Variants in FRY observed in about 807,000 individuals in gnomAD.
The protein encoded by FRY is protein furry homolog.
FRY carries 128 observed loss-of-function variants against 348.4 expected under a neutral mutation model. The ratio of observed to expected loss-of-function variants is 0.37; its 90% confidence interval spans 0.32 to 0.43. FRY has a LOEUF of 0.43. Ranked by LOEUF, FRY falls within the 20% of genes least tolerant of loss-of-function variation. The pLI is 1.00. For synonymous variants in FRY, 1,370 were observed against 1,374.7 expected, an observed-to-expected ratio of 1.00 and a Z score of 0.08; for missense variants, 2,736 against 3,695.2, an observed-to-expected ratio of 0.74 and a Z score of 6.73.
intron 19 of FRY, 49 bp downstream of exon 19, chr13:32,173,598 T>C (rs764861387): frequency 8.9e-6 from 12 of 1,345,248 alleles, no homozygotes; most frequent in Non-Finnish European, 1.1e-5. Flanking sequence ...TCAACTCTTC[T>C]GAAATTTAGA....
chr13:32,192,226 A>G (rs1161130733), intron 28 of FRY, among the ~76,000 whole-genome samples: 8 of 152,190 alleles, frequency 5.3e-5, no homozygotes, highest in Non-Finnish European at 1.2e-4. Context: ...CTAAAGTACA[A>G]TAAAAGCTTG....
Position 32,212,376 on chromosome 13 carries a change from A to G in FRY, c.4676A>G (p.Asp1559Gly). 6.3e-7 allele frequency: 1 copy of G among 1,590,488 alleles called. No individual in the cohort carries two copies. The highest frequency in any genetic ancestry group is 8.6e-7 in the Non-Finnish European group (1 of 1,160,898). ...GAGAACAAGATATTGAAAGAATCTG[A>G]TGAAAGGTTGGTACACAAATTTGAC... ...AEENKILKES[D>G]ERFSNVIRAH... Residue 1559 changes from aspartate to glycine, a missense_variant, in exon 35 of 61, where the codon GAT (aspartate) becomes GGT (glycine). Asp to Gly is a moderately conservative substitution (Grantham distance 94). Coordinates refer to ENST00000542859, the MANE Select transcript of FRY (RefSeq NM_023037.3).
intron 2 of FRY, among the ~76,000 whole-genome samples, chr13:32,084,810 G>A (rs754593137): frequency 3.0e-4 from 45 of 152,148 alleles, no homozygotes; most frequent in Non-Finnish European, 5.6e-4. Flanking sequence ...CTCTTAAGTT[G>A]AAGAAGCAAT....
At chr13:32,064,799 C>T (rs538454712) in intron 1 of FRY, among the ~76,000 whole-genome samples, 3 of 152,130 alleles carry the variant, frequency 2.0e-5, no homozygotes, top group Non-Finnish European at 2.9e-5. Context: ...TTGCAGAATG[C>T]CTTATACTAA....
At chr13:32,204,290 T>TACC (rs1884224038) in intron 31 of FRY, among the ~76,000 whole-genome samples, 1 of 151,616 alleles carries the variant, frequency 6.6e-6, no homozygotes, top group African/African-American at 2.4e-5. Context: ...TTATCACAAC[T>TACC]ACCACCACCA....
chr13:32,169,856 A>G (rs1296760605), intron 17 of FRY, among the ~76,000 whole-genome samples: 1 of 152,230 alleles, frequency 6.6e-6, no homozygotes, highest in African/African-American at 2.4e-5. Context: ...CAATGTCAAG[A>G]TTTAATATTA....
chr13:32,201,164 C>G (rs922358627), intron 29 of FRY, among the ~76,000 whole-genome samples: 1 of 152,216 alleles, frequency 6.6e-6, no homozygotes, highest in African/African-American at 2.4e-5. Context: ...AGATTCTTCC[C>G]TTTTACAATA....
intron 11 of FRY, among the ~76,000 whole-genome samples, chr13:32,146,113 C>G (rs1262005513): frequency 6.6e-6 from 1 of 152,110 alleles, no homozygotes; most frequent in African/African-American, 2.4e-5. Flanking sequence ...AACAGGAGCC[C>G]TCTGCTCCTC....
chr13:32,196,216 A>C (rs2138305497), intron 29 of FRY, among the ~76,000 whole-genome samples: 1 of 152,362 alleles, frequency 6.6e-6, no homozygotes, highest in East Asian at 1.9e-4. Context: ...AGTTATCTAC[A>C]CAGTAACTCC....
At chr13:32,204,160 G>A (rs1884214575) in intron 31 of FRY, among the ~76,000 whole-genome samples, 1 of 152,144 alleles carries the variant, frequency 6.6e-6, no homozygotes, top group Admixed American at 6.5e-5. Context: ...TTGACTGTGG[G>A]CAAGTCACAG....
chr13:32,135,372 AG>A (rs35866430), intron 10 of FRY, among the ~76,000 whole-genome samples, 189 bp downstream of exon 10: 1 of 152,228 alleles, frequency 6.6e-6, no homozygotes, highest in South Asian at 2.1e-4. Flanking sequence ...ATATTCATGT[AG>A]GGGGATTAGA....
chr13:32,175,919 C>T (rs1882330656), intron 20 of FRY, among the ~76,000 whole-genome samples: 1 of 152,120 alleles, frequency 6.6e-6, no homozygotes, highest in Non-Finnish European at 1.5e-5. Context: ...TTTCATTGTA[C>T]TTATCACTTA....
rs1882294900 is a variant in FRY, at chr13:32,175,130, A to G, written c.2335-416A>G. 5.3e-5 allele frequency among the ~76,000 whole-genome samples: 8 copies of G among 152,326 alleles called. No homozygotes were observed. The South Asian group carries it at 1.4e-3, about 28-fold the overall frequency. On this transcript the variant is annotated intron_variant, in intron 19 of 60. Transcript: ENST00000542859. ...ATTCAGTCACAGTAAACAATTTATC[A>G]GTTATTTTAACAGATCAATGACTTA...
At chr13:32,255,298 G>C (rs1195435985) in intron 51 of FRY, among the ~76,000 whole-genome samples, 2 of 152,168 alleles carry the variant, frequency 1.3e-5, no homozygotes, top group Non-Finnish European at 2.9e-5. Flanking sequence ...GGCAGGCCTA[G>C]ATCCCAAGTT....
chr13:32,228,690 G>A (rs578046365), intron 40 of FRY, 36 bp downstream of exon 40: 4 of 1,597,174 alleles, frequency 2.5e-6, no homozygotes, highest in Admixed American at 3.3e-5. Flanking sequence ...CTGTTTGCAG[G>A]TTGGTCTTTC....
chr13:32,055,603 G>A (rs964718125), intron 1 of FRY, among the ~76,000 whole-genome samples: 33 of 152,012 alleles, frequency 2.2e-4, no homozygotes, highest in African/African-American at 7.7e-4. Context: ...GTAAACTTTG[G>A]GATTTTGTCA....
chr13:32,233,198 A>ATTAC (rs947106105), intron 41 of FRY, among the ~76,000 whole-genome samples: 1 of 152,124 alleles, frequency 6.6e-6, no homozygotes, highest in African/African-American at 2.4e-5. Context: ...TTTCTTGTAT[A>ATTAC]ATCTATTTGT....
intron 2 of FRY, among the ~76,000 whole-genome samples, chr13:32,099,806 T>C (rs1259524170): frequency 1.3e-5 from 2 of 151,964 alleles, no homozygotes; most frequent in Non-Finnish European, 2.9e-5. Context: ...TGAATTAAAC[T>C]CTTTGAATTG....
chr13:32,260,640 C>G (rs1338387121), intron 51 of FRY, among the ~76,000 whole-genome samples: 1 of 151,878 alleles, frequency 6.6e-6, no homozygotes, highest in Non-Finnish European at 1.5e-5. Flanking sequence ...TTTGGGAGGC[C>G]GAGGCGGGTG....
Sources: gnomAD v4.1 joint callset for allele counts (sites outside exome capture counted in the v4.1 genomes callset) on GRCh38, gnomAD v4.1.1 for gene constraint, MANE v1.5 for transcripts, NCBI Gene and HGNC (gene_info 2026-07-23, HGNC 2026-07-21) for gene names.